PDGFRL: variants seen among roughly 807,000 people sequenced by gnomAD.
PDGFRL encodes the protein platelet-derived growth factor receptor-like protein.
A neutral mutation model predicts 37.2 loss-of-function variants in PDGFRL; 46 were observed. The ratio of observed to expected loss-of-function variants is 1.24; its 90% CI spans 0.98 to 1.58. PDGFRL has a LOEUF of 1.58. Ranked by LOEUF, PDGFRL falls within the 40% of genes most tolerant of loss-of-function variation. The probability of loss-of-function intolerance (pLI) is 0.00; values close to 1 mark genes in which losing one functional copy is unlikely to be tolerated. For missense variants in PDGFRL, 692 were observed against 467.6 expected, an observed-to-expected ratio of 1.48 and a Z score of -4.43; for synonymous variants, 251 against 184.3, an observed-to-expected ratio of 1.36 and a Z score of -2.93.
chr8:17,594,440 T>C (rs1804008859), intron 2 of PDGFRL, among the ~76,000 whole-genome samples: 1 of 151,736 alleles, frequency 6.6e-6, no homozygotes, highest in South Asian at 2.1e-4. Context: ...AGGGTTTCAC[T>C]ATGATGGCCA....
Position 17,642,841 on chromosome 8 carries a change from T to G in PDGFRL, c.*40T>G. ...TGTAATGAACTTATGGAAAGCCCAT[T>G]TGTGTACACAGTCAGCTTTGGGGTT... On this transcript the variant is annotated 3_prime_UTR_variant, in exon 6 of 6. Coordinates refer to ENST00000251630, the MANE Select transcript of PDGFRL (RefSeq NM_001372073.1). 1 of 1,323,942 alleles carries G rather than the reference T, an allele frequency of 7.6e-7. No homozygotes were observed. The highest frequency in any genetic ancestry group is 1.1e-6 in the Non-Finnish European group (1 of 923,602). 82.0% of individuals were successfully genotyped at this position (1,323,942 alleles called of 1,614,324 possible).
intron 5 of PDGFRL, among the ~76,000 whole-genome samples, chr8:17,641,662 C>G (rs1294513549): frequency 6.6e-6 from 1 of 152,186 alleles, no homozygotes; most frequent in East Asian, 1.9e-4. Flanking sequence ...TGTGCATGTT[C>G]TGCTTGCTAA....
chr8:17,601,586 C>T lies in PDGFRL; in HGVS notation c.353+11821C>T, dbSNP rs571988263. Among the ~76,000 whole-genome samples, 116 of 152,108 alleles carry T rather than the reference C, an allele frequency of 7.6e-4. 1 individual carries two copies. The highest frequency in any genetic ancestry group is 3.3e-3 in the South Asian group (16 of 4,816). The stretch of plus-strand genomic sequence containing the variant: ...TTATCCAGGTAATAAGCTTAGTACC[C>T]GATAGGTAGTTTCTCAGTCCTCACC... On this transcript the variant is annotated intron_variant, in intron 2 of 5. Transcript: ENST00000251630.
At chr8:17,642,502 T>C (rs1356291476) in intron 5 of PDGFRL, 111 bp from the exon 6 acceptor site, 1 of 694,994 alleles carries the variant, frequency 1.4e-6, no homozygotes, top group African/African-American at 1.8e-5. Context: ...CAGTCTTTTA[T>C]AAGCATGTGC....
chr8:17,628,894 T>C, intron 4 of PDGFRL, 114 bp downstream of exon 4: 1 of 693,174 alleles, frequency 1.4e-6, no homozygotes, highest in African/African-American at 1.8e-5. Context: ...TTTTGTTTCA[T>C]TGTTGTTGGG....
At chr8:17,592,915 T>TACAC (rs1563508720) in intron 2 of PDGFRL, among the ~76,000 whole-genome samples, 3 of 3,168 alleles carry the variant, frequency 9.5e-4, no homozygotes, top group African/African-American at 1.1e-3. Flanking sequence ...CCCACATACA[T>TACAC]GCACACACAC....
At chr8:17,599,789 A>G (rs933648007) in intron 2 of PDGFRL, among the ~76,000 whole-genome samples, 3 of 152,154 alleles carry the variant, frequency 2.0e-5, no homozygotes, top group Non-Finnish European at 2.9e-5. Flanking sequence ...AATCACCTTA[A>G]GTTTCTCTGA....
chr8:17,618,612 A>G (rs1191000608), intron 2 of PDGFRL, among the ~76,000 whole-genome samples: 1 of 152,188 alleles, frequency 6.6e-6, no homozygotes, highest in Non-Finnish European at 1.5e-5. Context: ...GTTTCAGGGA[A>G]GTCATTTCTG....
intron 2 of PDGFRL, among the ~76,000 whole-genome samples, chr8:17,620,379 T>C (rs1439987028): frequency 1.3e-5 from 2 of 152,204 alleles, no homozygotes; most frequent in Non-Finnish European, 2.9e-5. Flanking sequence ...TTTTTAGTGA[T>C]AGATTTTGCT....
At chr8:17,579,531 T>G (rs541833431) in intron 1 of PDGFRL, among the ~76,000 whole-genome samples, 1,803 of 142,706 alleles carry the variant, frequency 0.013, 18 homozygotes, top group Middle Eastern at 0.059. Flanking sequence ...TAAAAGACAG[T>G]CTTTATTATT....
intron 2 of PDGFRL, among the ~76,000 whole-genome samples, chr8:17,615,593 C>G (rs1351270467): frequency 6.6e-6 from 1 of 152,076 alleles, no homozygotes; most frequent in African/African-American, 2.4e-5. Context: ...GCTGTGAGAA[C>G]CAGGGGGACC....
intron 1 of PDGFRL, among the ~76,000 whole-genome samples, chr8:17,583,799 C>T (rs543925401): frequency 1.3e-5 from 2 of 152,242 alleles, no homozygotes; most frequent in East Asian, 3.9e-4. Context: ...CTCTCTCTCT[C>T]TCTTGCTTCT....
intron 5 of PDGFRL, 51 bp downstream of exon 5, chr8:17,634,264 A>C: frequency 5.4e-6 from 8 of 1,471,592 alleles, no homozygotes; most frequent in Non-Finnish European, 7.4e-6. Flanking sequence ...TCTGCATCTC[A>C]GCCAGCCATT....
At position 17,615,396 on chromosome 8, in the gene PDGFRL, T is replaced by A. The variant is rs569465290; in HGVS notation, c.354-5655T>A. 2.3e-4 allele frequency among the ~76,000 whole-genome samples: 35 copies of A among 152,310 alleles called. No homozygotes were observed. In the East Asian group the frequency reaches 6.4e-3, roughly 28 times the overall value. On this transcript the variant is annotated intron_variant, in intron 2 of 5. Coordinates refer to ENST00000251630, the MANE Select transcript of PDGFRL (RefSeq NM_001372073.1). The stretch of plus-strand genomic sequence containing the variant: ...ATCACTCAGTCAAAATTGCTTCATT[T>A]CATTTCATTTCTGTAGGATGAAAAT...
At chr8:17,582,729 T>C (rs1803734129) in intron 1 of PDGFRL, among the ~76,000 whole-genome samples, 1 of 152,212 alleles carries the variant, frequency 6.6e-6, no homozygotes. Flanking sequence ...TGAAAGAGCA[T>C]TTTGGGAAAA....
At chr8:17,604,484 G>A (rs1804230560) in intron 2 of PDGFRL, among the ~76,000 whole-genome samples, 1 of 151,502 alleles carries the variant, frequency 6.6e-6, no homozygotes, top group South Asian at 2.1e-4. Context: ...CTGTCGTAAG[G>A]ACAAAAAACC....
intron 2 of PDGFRL, chr8:17,596,203 G>A (rs1357648568): frequency 4.9e-5 from 22 of 453,354 alleles, no homozygotes; most frequent in Non-Finnish European, 6.5e-5. Context: ...ATCCAAGGCC[G>A]TCCACTGAGC....
At chr8:17,611,582 G>T (rs1421051143) in intron 2 of PDGFRL, among the ~76,000 whole-genome samples, 4 of 152,134 alleles carry the variant, frequency 2.6e-5, no homozygotes, top group African/African-American at 9.7e-5. Context: ...AGGGCTCAGA[G>T]GTGAAAATGA....
intron 4 of PDGFRL, among the ~76,000 whole-genome samples, chr8:17,632,969 G>A (rs780654344): frequency 2.6e-5 from 4 of 152,132 alleles, no homozygotes; most frequent in Non-Finnish European, 5.9e-5. Context: ...GCCTTTTGGA[G>A]TACTCTGGGC....
Sources: gnomAD v4.1 joint callset for allele counts (sites outside exome capture counted in the v4.1 genomes callset) on GRCh38, gnomAD v4.1.1 for gene constraint, MANE v1.5 for transcripts, NCBI Gene and HGNC (gene_info 2026-07-23, HGNC 2026-07-21) for gene names.